SERP2: variants seen among roughly 807,000 people sequenced by gnomAD.
SERP2 encodes stress associated endoplasmic reticulum protein family member 2.
In SERP2, 6 loss-of-function variants were observed where a neutral mutation model predicts 9.1. The ratio of observed to expected loss-of-function variants is 0.66; its 90% CI spans 0.36 to 1.30. The LOEUF (loss-of-function observed/expected upper bound fraction) is 1.30. Ranked by LOEUF, SERP2 falls within the 50% of genes most tolerant of loss-of-function variation. The pLI is 0.03. For missense variants in SERP2, 58 were observed against 81.9 expected (o/e 0.71, Z 1.13); for synonymous variants, 37 against 27.3 (o/e 1.35, Z -1.10).
At chr13:44,388,423 T>A (rs1872452556) in intron 2 of SERP2, among the ~76,000 whole-genome samples, 1 of 152,256 alleles carries the variant, frequency 6.6e-6, no homozygotes, top group South Asian at 2.1e-4. Context: ...CTGGATATTA[T>A]GACTTTCTCA....
intron 2 of SERP2, among the ~76,000 whole-genome samples, chr13:44,381,773 C>T (rs1291080073): frequency 1.3e-5 from 2 of 152,162 alleles, no homozygotes; most frequent in Admixed American, 6.5e-5. Context: ...CCTGCAACCC[C>T]GGAAACACAT....
intron 2 of SERP2, among the ~76,000 whole-genome samples, chr13:44,396,834 C>T (rs1445690628): frequency 1.3e-5 from 2 of 152,226 alleles, no homozygotes. Flanking sequence ...CTCCGAGCAC[C>T]TGGTCGGCCT....
intron 2 of SERP2, among the ~76,000 whole-genome samples, chr13:44,382,557 A>T (rs187880005): frequency 1.9e-4 from 29 of 152,262 alleles, no homozygotes; most frequent in Admixed American, 5.2e-4. Context: ...TTCAGGCTGT[A>T]TGACCAGTCT....
intron 2 of SERP2, among the ~76,000 whole-genome samples, chr13:44,383,873 C>T (rs1327164768): frequency 1.3e-5 from 2 of 151,970 alleles, no homozygotes; most frequent in Non-Finnish European, 2.9e-5. Flanking sequence ...TTCAATGATG[C>T]TGACTTAAAG....
chr13:44,397,619 G>A lies in SERP2; in HGVS notation c.*307G>A. 2.3e-6 allele frequency: 1 copy of A among 441,244 alleles called. No homozygotes were observed. The highest frequency in any genetic ancestry group is 4.2e-6 in the Non-Finnish European group (1 of 240,346). 27.3% of individuals were successfully genotyped at this position (441,244 alleles called of 1,614,324 possible). ...CCCTTGGTTTCACTAATGCGTGCATGTGGCCCTCTGAACGATCACTGGTTT... is the reference window on the plus strand; with the variant it reads ...CCCTTGGTTTCACTAATGCGTGCATATGGCCCTCTGAACGATCACTGGTTT... On this transcript the variant is annotated 3_prime_UTR_variant, in exon 3 of 3. Transcript: ENST00000379179.
chr13:44,382,443 A>G (rs1221470838), intron 2 of SERP2, among the ~76,000 whole-genome samples: 2 of 150,738 alleles, frequency 1.3e-5, no homozygotes, highest in Non-Finnish European at 1.5e-5. Context: ...TCTCAAAAAA[A>G]AAAAAAAAAA....
chr13:44,382,223 G>A (rs1872023662), intron 2 of SERP2, among the ~76,000 whole-genome samples: 1 of 151,736 alleles, frequency 6.6e-6, no homozygotes, highest in African/African-American at 2.4e-5. Flanking sequence ...GGATCATGAG[G>A]TCAGGAGATA....
chr13:44,389,643 CTG>C (rs1056865075), intron 2 of SERP2, among the ~76,000 whole-genome samples: 3 of 152,124 alleles, frequency 2.0e-5, no homozygotes, highest in Non-Finnish European at 4.4e-5. Context: ...GAGCATAGCA[CTG>C]AGATATTGAG....
intron 2 of SERP2, among the ~76,000 whole-genome samples, chr13:44,389,926 C>T (rs968822773): frequency 2.0e-5 from 3 of 152,234 alleles, no homozygotes; most frequent in Non-Finnish European, 2.9e-5. Context: ...GATGCCATTA[C>T]ACTCATTTTT....
chr13:44,378,497 T>C (rs891512960), intron 1 of SERP2, among the ~76,000 whole-genome samples: 1 of 152,242 alleles, frequency 6.6e-6, no homozygotes, highest in Non-Finnish European at 1.5e-5. Flanking sequence ...CAACATTTAA[T>C]TGAAATCTGG....
chr13:44,374,437 G>C (rs1410397207), intron 1 of SERP2, among the ~76,000 whole-genome samples: 1 of 152,234 alleles, frequency 6.6e-6, no homozygotes, highest in Non-Finnish European at 1.5e-5. Flanking sequence ...GCCTTGTCCC[G>C]GAGAAAGACG....
intron 1 of SERP2, among the ~76,000 whole-genome samples, chr13:44,377,569 G>A (rs111281817): frequency 3.3e-5 from 5 of 152,336 alleles, no homozygotes; most frequent in Admixed American, 2.0e-4. Flanking sequence ...AGCAGCCACC[G>A]ATTCCTTTGC....
chr13:44,377,155 G>A lies in SERP2; in HGVS notation c.85-2486G>A, dbSNP rs563304500. ...AAATCATGTTGATTCCATGGAGAAT[G>A]TCATCCAAAAGGTTTTTGTGTTATA... is the stretch of plus-strand genomic sequence containing the variant. On this transcript the variant is annotated intron_variant, in intron 1 of 2. Transcript: ENST00000379179. Among the ~76,000 whole-genome samples, 6 of 152,326 alleles carry A rather than the reference G, an allele frequency of 3.9e-5. No individual in the cohort carries two copies. In the East Asian group the frequency reaches 5.8e-4, roughly 15 times the overall value.
chr13:44,385,759 G>T (rs1814145999), intron 2 of SERP2, among the ~76,000 whole-genome samples: 1 of 152,104 alleles, frequency 6.6e-6, no homozygotes, highest in African/African-American at 2.4e-5. Flanking sequence ...CCCTTATCAA[G>T]AAAATGGGGA....
intron 1 of SERP2, 38 bp downstream of exon 1, chr13:44,374,147 A>C: frequency 1.1e-5 from 6 of 565,270 alleles, no homozygotes; most frequent in Non-Finnish European, 1.7e-5. Flanking sequence ...AGAGCCCTGC[A>C]GCCCGGCGGG....
chr13:44,383,188 G>A (rs1872101919), intron 2 of SERP2, among the ~76,000 whole-genome samples: 1 of 151,704 alleles, frequency 6.6e-6, no homozygotes, highest in African/African-American at 2.4e-5. Context: ...GTATTGTCAA[G>A]GGTCTAAGTA....
chr13:44,374,779 C>G (rs1415382426), intron 1 of SERP2, among the ~76,000 whole-genome samples: 1 of 152,138 alleles, frequency 6.6e-6, no homozygotes, highest in Non-Finnish European at 1.5e-5. Context: ...TCTTTTACCT[C>G]TCTTCCAGCG....
chr13:44,394,866 C>T (rs1459741086), intron 2 of SERP2, among the ~76,000 whole-genome samples: 2 of 152,204 alleles, frequency 1.3e-5, no homozygotes, highest in Non-Finnish European at 2.9e-5. Context: ...GGCAGTGAGT[C>T]CTCCATGTGT....
At chr13:44,384,216 G>A (rs1031858752) in intron 2 of SERP2, among the ~76,000 whole-genome samples, 2 of 152,018 alleles carry the variant, frequency 1.3e-5, no homozygotes, top group African/African-American at 4.8e-5. Flanking sequence ...AAACACAATA[G>A]CTCCTTTAGA....
Sources: gnomAD v4.1 joint callset for allele counts (sites outside exome capture counted in the v4.1 genomes callset) on GRCh38, gnomAD v4.1.1 for gene constraint, MANE v1.5 for transcripts, NCBI Gene and HGNC (gene_info 2026-07-23, HGNC 2026-07-21) for gene names.